The following MPZL1 variants were observed in gnomAD, a reference collection of about 807,000 sequenced individuals.
MPZL1 encodes the protein myelin protein zero-like protein 1.
A neutral mutation model predicts 29.3 loss-of-function variants in MPZL1; 16 were observed. The observed-to-expected ratio is 0.55, with a 90% CI of 0.37 to 0.83. MPZL1 has a LOEUF of 0.83. Ranked by LOEUF, MPZL1 falls within the 40% of genes least tolerant of loss-of-function variation. MPZL1 has a pLI of 0.00. For missense variants in MPZL1, 279 were observed against 332.9 expected (o/e 0.84, Z 1.26); for synonymous variants, 143 against 132.0 (o/e 1.08, Z -0.57).
intron 1 of MPZL1, among the ~76,000 whole-genome samples, chr1:167,737,977 G>C (rs529880934): frequency 7.2e-5 from 11 of 152,236 alleles, no homozygotes; most frequent in Admixed American, 2.6e-4. Context: ...TCAGGCTGGA[G>C]TGCAGTGGCG....
At chr1:167,750,488 C>T (rs1170884963) in intron 1 of MPZL1, among the ~76,000 whole-genome samples, 1 of 152,068 alleles carries the variant, frequency 6.6e-6, no homozygotes. Flanking sequence ...AGGCGTGAGC[C>T]ACCGTGCCTG....
At chr1:167,751,620 G>T (rs574705643) in intron 1 of MPZL1, among the ~76,000 whole-genome samples, 1 of 149,140 alleles carries the variant, frequency 6.7e-6, no homozygotes. Context: ...GCAGTGAGCC[G>T]AGATGGCACC....
intron 1 of MPZL1, among the ~76,000 whole-genome samples, chr1:167,736,179 A>G (rs1262695361): frequency 6.6e-6 from 1 of 152,032 alleles, no homozygotes; most frequent in Non-Finnish European, 1.5e-5. Flanking sequence ...TCAAGTCTTC[A>G]TCCTCTGCCT....
intron 1 of MPZL1, among the ~76,000 whole-genome samples, chr1:167,728,141 G>A (rs1571130345): frequency 6.7e-6 from 1 of 150,048 alleles, no homozygotes; most frequent in East Asian, 2.0e-4. Flanking sequence ...CCACGTTCAA[G>A]CGATTCTTCT....
In MPZL1 at chr1:167,722,238, G is replaced by A. The variant is rs1660044675; in HGVS notation, c.87G>A (p.Gly29=). Reference sequence around the variant, plus strand: ...GGTCGGTGCTGGCGGCGGCGCTTGGGCTCTGTAAGTGATGCCAGGACCAGG... The same window carrying A: ...GGTCGGTGCTGGCGGCGGCGCTTGGACTCTGTAAGTGATGCCAGGACCAGG... ...WLWSVLAAAL[G]LLTAGVSALE... Residue 29 remains glycine (G), a synonymous_variant, in exon 1 of 6, where the codon GGG becomes GGA. Coordinates refer to ENST00000359523, the MANE Select transcript of MPZL1 (RefSeq NM_003953.6). The A allele has an allele frequency of 8.1e-7, 1 of 1,239,180 alleles. No homozygotes were observed. Among genetic ancestry groups the A allele is most frequent in the East Asian group, 3.1e-5 (1 of 31,746 alleles). The allele number at this position is 1,239,180 out of a possible 1,614,324, so 76.8% of individuals were successfully genotyped here. A position where few individuals can be genotyped will look rare whatever the true frequency, so the allele number is the denominator to read the frequency against.
chr1:167,731,751 CAA>C (rs959540690), intron 1 of MPZL1, among the ~76,000 whole-genome samples: 3 of 134,976 alleles, frequency 2.2e-5, no homozygotes, highest in Admixed American at 7.4e-5. Flanking sequence ...AACTGTGTCT[CAA>C]AAAAAAAAAA....
chr1:167,745,460 A>G (rs1039476161), intron 1 of MPZL1, among the ~76,000 whole-genome samples: 1 of 152,040 alleles, frequency 6.6e-6, no homozygotes, highest in Non-Finnish European at 1.5e-5. Context: ...TCTTTTAAAA[A>G]CACGGAAAAT....
intron 1 of MPZL1, among the ~76,000 whole-genome samples, chr1:167,744,677 C>G: frequency 9.7e-6 from 1 of 103,202 alleles, no homozygotes; most frequent in East Asian, 2.7e-4. Context: ...GAGCGAAACT[C>G]AGTCTCAAAA....
chr1:167,778,074 G>C (rs1175982955), intron 5 of MPZL1, among the ~76,000 whole-genome samples: 1 of 152,180 alleles, frequency 6.6e-6, no homozygotes, highest in Admixed American at 6.5e-5. Flanking sequence ...TGTAATCCCA[G>C]CACTTAGGGA....
At chr1:167,785,132 C>G (rs1661567234) in intron 5 of MPZL1, among the ~76,000 whole-genome samples, 1 of 152,178 alleles carries the variant, frequency 6.6e-6, no homozygotes, top group Admixed American at 6.5e-5. Flanking sequence ...ATTTGGCTCC[C>G]CATTCTGTGG....
chr1:167,724,484 T>C (rs1205964999), intron 1 of MPZL1, among the ~76,000 whole-genome samples: 1 of 152,150 alleles, frequency 6.6e-6, no homozygotes, highest in African/African-American at 2.4e-5. Context: ...AATTCAAGCA[T>C]TGGGCTATGA....
chr1:167,773,834 G>A (rs1469132420), intron 4 of MPZL1: 1 of 152,096 alleles, frequency 6.6e-6, no homozygotes, highest in Non-Finnish European at 1.5e-5. Flanking sequence ...GTGGCAGGAG[G>A]ATTGCTTGAG....
Position 167,772,125 on chromosome 1 carries a change from A to C in MPZL1, c.259-150A>C, listed in dbSNP as rs540613813. The C allele has an allele frequency of 1.2e-5, 8 of 672,820 alleles. No homozygotes were observed. In the South Asian group the frequency reaches 1.5e-4, roughly 13 times the overall value. The allele number at this position is 672,820 out of a possible 1,614,324, so 41.7% of individuals were successfully genotyped here. On this transcript the variant is annotated intron_variant, in intron 2 of 5. Coordinates refer to ENST00000359523, the MANE Select transcript of MPZL1 (RefSeq NM_003953.6). ...GCAACAGAGGGAGACCGAAAAAAGG[A>C]GGAGAGAGAGGGGGAGAGGGAGAGG...
chr1:167,726,858 G>A (rs1407642398), intron 1 of MPZL1, among the ~76,000 whole-genome samples: 4 of 152,140 alleles, frequency 2.6e-5, no homozygotes, highest in East Asian at 1.9e-4. Flanking sequence ...CTTATTCAAC[G>A]TAAATGAACA....
intron 5 of MPZL1, among the ~76,000 whole-genome samples, chr1:167,782,926 T>C (rs1458252306): frequency 1.3e-5 from 2 of 152,208 alleles, no homozygotes; most frequent in East Asian, 3.8e-4. Flanking sequence ...CGCAGTCCTA[T>C]TGACACCTTG....
chr1:167,776,070 T>C lies in MPZL1; in HGVS notation c.612T>C (p.Ser204=). The C allele has an allele frequency of 6.2e-7, 1 of 1,603,196 alleles. No homozygotes were observed. The highest frequency in any genetic ancestry group is 8.5e-7 in the Non-Finnish European group (1 of 1,173,312). Residue 204 remains serine (S), a synonymous_variant, in exon 5 of 6, where the codon AGT becomes AGC. Transcript: ENST00000359523. ...CAAATTGCCAATTCATCAGCTGCAG[T>C]ACATCAGAGAGTTTGTCACCAGTTA... The part of the protein sequence containing the change: ...KNSKRDYTGC[S]TSESLSPVKQ...
intron 1 of MPZL1, among the ~76,000 whole-genome samples, chr1:167,739,361 A>G (rs1660468375): frequency 7.0e-6 from 1 of 142,836 alleles, no homozygotes; most frequent in Non-Finnish European, 1.5e-5. Flanking sequence ...CTGCAGTATG[A>G]ATCTCTGCCA....
At chr1:167,786,169 G>T (rs1193835999) in intron 5 of MPZL1, among the ~76,000 whole-genome samples, 1 of 152,180 alleles carries the variant, frequency 6.6e-6, no homozygotes, top group Non-Finnish European at 1.5e-5. Flanking sequence ...GATGAATATA[G>T]AGGGTCTGTA....
intron 1 of MPZL1, among the ~76,000 whole-genome samples, chr1:167,760,853 G>GAT (rs1384129706): frequency 6.6e-6 from 1 of 150,448 alleles, no homozygotes; most frequent in Admixed American, 6.6e-5. Context: ...ATGTTAAATA[G>GAT]ATACGCAGTC....
Sources: gnomAD v4.1 joint callset for allele counts (sites outside exome capture counted in the v4.1 genomes callset) on GRCh38, gnomAD v4.1.1 for gene constraint, MANE v1.5 for transcripts, NCBI Gene and HGNC (gene_info 2026-07-23, HGNC 2026-07-21) for gene names.